The following OPCML variants were observed in gnomAD, a reference collection of about 807,000 sequenced individuals.
The protein encoded by OPCML is opioid-binding protein/cell adhesion molecule.
OPCML carries 13 observed loss-of-function variants against 37.8 expected under a neutral mutation model. The observed-to-expected ratio is 0.34, with a 90% CI of 0.22 to 0.55. The LOEUF is 0.55. Ranked by LOEUF, OPCML falls within the 20% of genes least tolerant of loss-of-function variation. The pLI is 0.91. For missense variants in OPCML, 341 were observed against 435.6 expected, an observed-to-expected ratio of 0.78 and a Z score of 1.93; for synonymous variants, 176 against 168.8, an observed-to-expected ratio of 1.04 and a Z score of -0.33.
At chr11:133,338,519 G>A (rs1485635810) in intron 1 of OPCML, among the ~76,000 whole-genome samples, 3 of 152,162 alleles carry the variant, frequency 2.0e-5, no homozygotes, top group Non-Finnish European at 4.4e-5. Context: ...GGCCAACAGC[G>A]AAACTGCCCA....
chr11:132,764,517 G>A (rs1946372542), intron 2 of OPCML, among the ~76,000 whole-genome samples: 2 of 152,192 alleles, frequency 1.3e-5, no homozygotes, highest in African/African-American at 2.4e-5. Flanking sequence ...CCGGGGATCA[G>A]GTTCCCCACT....
Position 133,177,531 on chromosome 11 carries a change from C to T in OPCML, c.62-234521G>A, listed in dbSNP as rs1937624528. Among the ~76,000 whole-genome samples, 6 of 152,154 alleles carry T rather than the reference C, an allele frequency of 3.9e-5. No homozygotes were observed. Among genetic ancestry groups the T allele is most frequent in the Admixed American group, 3.9e-4 (6 of 15,276 alleles). ...GATGGACAGGAAAGACTGCACCAGA[C>T]CCTAGCTTTCCCAGGGAAAGGAACT... On this transcript the variant is annotated intron_variant, in intron 1 of 7. Coordinates refer to ENST00000524381, the MANE Select transcript of OPCML (RefSeq NM_001012393.5). The surrounding 1 kb of genome is among the most constrained non-coding windows in gnomAD (Gnocchi z 5.0).
At chr11:133,367,139 C>G (rs1368231201) in intron 1 of OPCML, among the ~76,000 whole-genome samples, 1 of 152,144 alleles carries the variant, frequency 6.6e-6, no homozygotes, top group Admixed American at 6.5e-5. Flanking sequence ...CCACGACACC[C>G]AGCTAACTTT....
intron 4 of OPCML, among the ~76,000 whole-genome samples, chr11:132,509,331 C>G (rs1406274577): frequency 6.6e-6 from 1 of 150,688 alleles, no homozygotes; most frequent in African/African-American, 2.4e-5. Context: ...AATTTGCAGC[C>G]TGACTACGTG....
rs1205152826 is a variant in OPCML at position 133,205,043 on chromosome 11, G to A, written c.62-262033C>T. On this transcript the variant is annotated intron_variant, in intron 1 of 7. Transcript: ENST00000524381. The surrounding 1 kb of genome is among the most constrained non-coding windows in gnomAD (Gnocchi z 4.8). ...GCAGCTGGGGCCCAGGATGGCCTCAGGATGGTGGCTGGCTGCCAGGGAAGC... is the reference window on the plus strand; with the variant it reads ...GCAGCTGGGGCCCAGGATGGCCTCAAGATGGTGGCTGGCTGCCAGGGAAGC... Among the ~76,000 whole-genome samples, 1 of 151,718 alleles carries A rather than the reference G, an allele frequency of 6.6e-6. No individual in the cohort carries two copies. Among genetic ancestry groups the A allele is most frequent in the East Asian group, 2.0e-4 (1 of 5,104 alleles).
intron 3 of OPCML, among the ~76,000 whole-genome samples, chr11:132,569,886 T>C (rs1327216057): frequency 6.6e-6 from 1 of 151,512 alleles, no homozygotes; most frequent in Non-Finnish European, 1.5e-5. Context: ...ACAAACATCT[T>C]AAATCATAAA....
intron 1 of OPCML, among the ~76,000 whole-genome samples, chr11:133,227,252 A>G (rs1447332986): frequency 1.3e-5 from 2 of 152,128 alleles, no homozygotes; most frequent in African/African-American, 2.4e-5. Flanking sequence ...CCGGCTCCTC[A>G]CGGGCTTCTT....
At chr11:132,709,750 C>A (rs534837877) in intron 2 of OPCML, among the ~76,000 whole-genome samples, 28 of 152,186 alleles carry the variant, frequency 1.8e-4, no homozygotes, top group Admixed American at 1.8e-3. Context: ...GGAGATTAAG[C>A]TCCACCTCCA....
chr11:133,096,035 A>C (rs1450149852), intron 1 of OPCML, among the ~76,000 whole-genome samples: 1 of 152,086 alleles, frequency 6.6e-6, no homozygotes, highest in African/African-American at 2.4e-5. Context: ...AGAATGAATA[A>C]GTAAAATCAA....
intron 2 of OPCML, among the ~76,000 whole-genome samples, chr11:132,696,099 AAAAT>A (rs908255778): frequency 1.3e-5 from 2 of 152,188 alleles, no homozygotes; most frequent in African/African-American, 2.4e-5. Flanking sequence ...GTTTCTTTTA[AAAAT>A]AAATAAATAA....
chr11:132,795,822 T>C (rs1344712891), intron 2 of OPCML, among the ~76,000 whole-genome samples: 3 of 152,210 alleles, frequency 2.0e-5, no homozygotes, highest in Non-Finnish European at 2.9e-5. Context: ...AATAATGGCA[T>C]TGAACTGACT....
chr11:132,786,629 CG>C (rs1414881718), intron 2 of OPCML, among the ~76,000 whole-genome samples: 1 of 152,014 alleles, frequency 6.6e-6, no homozygotes, highest in Non-Finnish European at 1.5e-5. Flanking sequence ...CATTAGGGAA[CG>C]GACAATTATT....
At chr11:133,134,012 T>C (rs114209242) in intron 1 of OPCML, among the ~76,000 whole-genome samples, 177 of 152,296 alleles carry the variant, frequency 1.2e-3, no homozygotes, top group African/African-American at 4.1e-3. Flanking sequence ...AGATCGCTCC[T>C]GAACTCCTTT....
intron 1 of OPCML, among the ~76,000 whole-genome samples, chr11:132,997,151 G>T (rs963595451): frequency 6.6e-6 from 1 of 152,156 alleles, no homozygotes; most frequent in Non-Finnish European, 1.5e-5. Flanking sequence ...TGGGACTCTA[G>T]GTCCCCAGGA....
intron 2 of OPCML, among the ~76,000 whole-genome samples, chr11:132,893,368 A>G (rs1591764757): frequency 6.6e-6 from 1 of 152,158 alleles, no homozygotes; most frequent in South Asian, 2.1e-4. Flanking sequence ...AAGTGCAGTT[A>G]CCGCCCCTGC....
At chr11:133,145,824 G>A (rs970148830) in intron 1 of OPCML, among the ~76,000 whole-genome samples, 3 of 152,104 alleles carry the variant, frequency 2.0e-5, no homozygotes, top group African/African-American at 4.8e-5. Context: ...GAGTGAATTC[G>A]CAGACAACAG....
intron 1 of OPCML, among the ~76,000 whole-genome samples, chr11:133,289,439 C>CA (rs1030229232): frequency 1.3e-5 from 2 of 151,340 alleles, no homozygotes; most frequent in Non-Finnish European, 2.9e-5. Context: ...ACTAAAAATA[C>CA]AAAAAATTAG....
At chr11:132,738,369 T>C (rs1297428816) in intron 2 of OPCML, among the ~76,000 whole-genome samples, 1 of 152,226 alleles carries the variant, frequency 6.6e-6, no homozygotes, top group Non-Finnish European at 1.5e-5. Context: ...TTACATTCTT[T>C]GGTCTAAGAA....
At chr11:133,527,477 G>A (rs959070108) in intron 1 of OPCML, among the ~76,000 whole-genome samples, 8 of 152,134 alleles carry the variant, frequency 5.3e-5, no homozygotes, top group Non-Finnish European at 1.0e-4. Flanking sequence ...ATAAATGAAG[G>A]AGTAGATTGT....
Sources: gnomAD v4.1 joint callset for allele counts (sites outside exome capture counted in the v4.1 genomes callset) on GRCh38, gnomAD v4.1.1 for gene constraint, Gnocchi (gnomAD v3.1) non-coding constraint, MANE v1.5 for transcripts, NCBI Gene and HGNC (gene_info 2026-07-23, HGNC 2026-07-21) for gene names.